PARD3B: variants seen among roughly 807,000 people sequenced by gnomAD.
PARD3B encodes the protein par-3 family cell polarity regulator beta, also known as partitioning defective 3 homolog B.
In PARD3B, 103 loss-of-function variants were observed where a neutral mutation model predicts 130.2. The observed-to-expected ratio is 0.79, with a 90% CI of 0.67 to 0.93. PARD3B has a LOEUF of 0.93. Among genes scored for constraint, PARD3B ranks in the 40% least tolerant of loss-of-function variants. PARD3B has a pLI of 0.00. For synonymous variants in PARD3B, 583 were observed against 553.2 expected, an observed-to-expected ratio of 1.05 and a Z score of -0.76; for missense variants, 1,609 against 1,499.2, an observed-to-expected ratio of 1.07 and a Z score of -1.21.
At chr2:204,797,312 A>G (rs2042409986) in intron 2 of PARD3B, among the ~76,000 whole-genome samples, 1 of 152,074 alleles carries the variant, frequency 6.6e-6, no homozygotes, top group African/African-American at 2.4e-5. Context: ...AAATTTGGTT[A>G]TGGGACTCGA....
chr2:205,036,979 T>TA (rs200233243), intron 3 of PARD3B, among the ~76,000 whole-genome samples: 3 of 149,660 alleles, frequency 2.0e-5, no homozygotes, highest in Admixed American at 1.3e-4. Flanking sequence ...ACTGTATATA[T>TA]AAAAAACATA....
rs918806602 is a variant in PARD3B, at chr2:204,930,568, C to T, written c.223-34584C>T. Among the ~76,000 whole-genome samples, 3 of 152,138 alleles carry T rather than the reference C, an allele frequency of 2.0e-5. No individual in the cohort carries two copies. In the East Asian group the frequency reaches 5.8e-4, roughly 29 times the overall value. ...CAATTTCGTTACCATCTACTAGTTCCTTAAGTCAATAACCCTAACTTCAGA... is the reference window on the plus strand; with the variant it reads ...CAATTTCGTTACCATCTACTAGTTCTTTAAGTCAATAACCCTAACTTCAGA... On this transcript the variant is annotated intron_variant, in intron 2 of 22. Transcript: ENST00000406610.
Position 204,669,393 on chromosome 2 carries a change from T to A in PARD3B, c.121-16788T>A, listed in dbSNP as rs1395946791. Among the ~76,000 whole-genome samples, 4 of 152,190 alleles carry A rather than the reference T, an allele frequency of 2.6e-5. No individual in the cohort carries two copies. The highest frequency in any genetic ancestry group is 5.9e-5 in the Non-Finnish European group (4 of 68,016). ...TATTGAATGTGATTATATCCACTTT[T>A]ATCAATATATAATTATTATCTAAGT... On this transcript the variant is annotated intron_variant, in intron 1 of 22. Transcript: ENST00000406610. This position sits in a 1 kb window ranked among gnomAD's most constrained non-coding sequence, Gnocchi z 4.3.
In PARD3B at chr2:204,791,675, A is replaced by T. The variant is rs1284340408; in HGVS notation, c.222+105393A>T. 2.6e-5 allele frequency among the ~76,000 whole-genome samples: 4 copies of T among 152,168 alleles called. No individual in the cohort carries two copies. In the East Asian group the frequency reaches 7.7e-4, roughly 29 times the overall value. On this transcript the variant is annotated intron_variant, in intron 2 of 22. Transcript: ENST00000406610. ...TGATTCCAGTTTTCTGATTACTTTT[A>T]ATTAAATTGTTCTTTTTGAATTGCC... is the stretch of plus-strand genomic sequence containing the variant.
At chr2:205,118,066 CTCT>C (rs2030107064) in intron 6 of PARD3B, among the ~76,000 whole-genome samples, 1 of 152,198 alleles carries the variant, frequency 6.6e-6, no homozygotes, top group Admixed American at 6.5e-5. Context: ...CTAATTTAGC[CTCT>C]TCTTGGTTGA....
chr2:204,648,630 A>T (rs1275927431), intron 1 of PARD3B, among the ~76,000 whole-genome samples: 9 of 120,534 alleles, frequency 7.5e-5, no homozygotes, highest in South Asian at 2.2e-4. Flanking sequence ...TATAATTTAT[A>T]TATAATATAT....
chr2:205,088,599 C>T (rs372183057), intron 4 of PARD3B, among the ~76,000 whole-genome samples: 26 of 152,182 alleles, frequency 1.7e-4, no homozygotes, highest in South Asian at 1.2e-3. Context: ...TCACTATGTT[C>T]GGGCAAAACT....
At chr2:204,855,816 G>A (rs2044911548) in intron 2 of PARD3B, among the ~76,000 whole-genome samples, 2 of 151,924 alleles carry the variant, frequency 1.3e-5, no homozygotes, top group East Asian at 1.9e-4. Context: ...TTGCCTTTCT[G>A]TGCCTGGCTC....
chr2:204,636,923 T>C (rs2034900531), intron 1 of PARD3B, among the ~76,000 whole-genome samples: 1 of 152,306 alleles, frequency 6.6e-6, no homozygotes, highest in Non-Finnish European at 1.5e-5. Flanking sequence ...TATAGACTTA[T>C]GGCGCTCATT....
chr2:205,317,913 A>C (rs1287199609), intron 18 of PARD3B, among the ~76,000 whole-genome samples: 1 of 152,122 alleles, frequency 6.6e-6, no homozygotes, highest in Non-Finnish European at 1.5e-5. Context: ...AAAGCCACAT[A>C]GCTCTGGAAA....
chr2:205,384,561 C>T (rs2045594039), intron 18 of PARD3B, among the ~76,000 whole-genome samples: 1 of 152,094 alleles, frequency 6.6e-6, no homozygotes, highest in African/African-American at 2.4e-5. Flanking sequence ...TACTCCTACT[C>T]AGAAACTGCC....
intron 10 of PARD3B, among the ~76,000 whole-genome samples, chr2:205,140,678 T>C (rs2032878478): frequency 6.6e-6 from 1 of 152,120 alleles, no homozygotes; most frequent in Non-Finnish European, 1.5e-5. Context: ...GTTAGAGATC[T>C]AGACAAAGTA....
chr2:205,044,845 C>T (rs895086680), intron 3 of PARD3B, among the ~76,000 whole-genome samples: 18 of 152,140 alleles, frequency 1.2e-4, no homozygotes, highest in Non-Finnish European at 2.5e-4. Flanking sequence ...AACTCAGTCT[C>T]TTCCTGACAG....
intron 2 of PARD3B, among the ~76,000 whole-genome samples, chr2:204,756,944 T>C (rs1026685212): frequency 6.6e-6 from 1 of 152,112 alleles, no homozygotes; most frequent in African/African-American, 2.4e-5. Context: ...AATCTCGTGT[T>C]TATTGTTCCA....
intron 19 of PARD3B, among the ~76,000 whole-genome samples, chr2:205,439,501 G>C (rs2047637108): frequency 6.6e-6 from 1 of 152,180 alleles, no homozygotes. Context: ...TGAGAATTTA[G>C]TAGAGCTGAT....
Position 204,887,996 on chromosome 2 carries a change from C to A in PARD3B, c.223-77156C>A, listed in dbSNP as rs187030199. On this transcript the variant is annotated intron_variant, in intron 2 of 22. Transcript: ENST00000406610. This position sits in a 1 kb window ranked among gnomAD's most constrained non-coding sequence, Gnocchi z 4.2. ...CCCCAGCATTCCAACTGGGAGGGATCATTGGTGAAGTGTCAAGATGTCCAT... is the reference window on the plus strand; with the variant it reads ...CCCCAGCATTCCAACTGGGAGGGATAATTGGTGAAGTGTCAAGATGTCCAT... 6.6e-6 allele frequency among the ~76,000 whole-genome samples: 1 copy of A among 152,118 alleles called. No homozygotes were observed. The highest frequency in any genetic ancestry group is 1.9e-4 in the East Asian group (1 of 5,150).
chr2:204,734,339 A>G (rs2039651062), intron 2 of PARD3B, among the ~76,000 whole-genome samples: 1 of 152,224 alleles, frequency 6.6e-6, no homozygotes, highest in African/African-American at 2.4e-5. Context: ...GAATAGTCTA[A>G]TCATTTTGAA....
intron 16 of PARD3B, among the ~76,000 whole-genome samples, chr2:205,270,156 A>G (rs1468762179): frequency 6.6e-6 from 1 of 152,212 alleles, no homozygotes; most frequent in African/African-American, 2.4e-5. Flanking sequence ...AATTTTAAAA[A>G]AATTTTAAAA....
At chr2:205,409,928 G>A (rs1660882197) in intron 19 of PARD3B, among the ~76,000 whole-genome samples, 1 of 152,110 alleles carries the variant, frequency 6.6e-6, no homozygotes, top group African/African-American at 2.4e-5. Context: ...GCTGATCCAG[G>A]ATATTTGGTT....
Sources: gnomAD v4.1 joint callset for allele counts (sites outside exome capture counted in the v4.1 genomes callset) on GRCh38, gnomAD v4.1.1 for gene constraint, Gnocchi (gnomAD v3.1) non-coding constraint, MANE v1.5 for transcripts, NCBI Gene and HGNC (gene_info 2026-07-23, HGNC 2026-07-21) for gene names.